Variants in PRKCE observed in about 807,000 individuals in gnomAD.
PRKCE encodes protein kinase C epsilon type.
Under a neutral mutation model 85.4 loss-of-function variants are expected in PRKCE, and 16 were observed. The ratio of observed to expected loss-of-function variants is 0.19; its 90% CI spans 0.13 to 0.28. The LOEUF (loss-of-function observed/expected upper bound fraction) is 0.28. Among genes scored for constraint, PRKCE ranks in the 10% least tolerant of loss-of-function variants. The pLI, the probability that PRKCE is intolerant of heterozygous loss-of-function variation, is 1.00. For synonymous variants in PRKCE, 388 were observed against 371.5 expected, an observed-to-expected ratio of 1.04 and a Z score of -0.51; for missense variants, 573 against 975.2, an observed-to-expected ratio of 0.59 and a Z score of 5.49.
intron 11 of PRKCE, among the ~76,000 whole-genome samples, chr2:46,117,689 T>C (rs1672911856): frequency 6.6e-6 from 1 of 152,238 alleles, no homozygotes; most frequent in East Asian, 1.9e-4. Context: ...ATAGTAATAG[T>C]ATCTACCTCA....
At chr2:45,705,487 T>G (rs373329302) in intron 1 of PRKCE, among the ~76,000 whole-genome samples, 2 of 152,212 alleles carry the variant, frequency 1.3e-5, no homozygotes, top group African/African-American at 2.4e-5. Context: ...TACCATTCCC[T>G]GCACCGCATG....
At position 46,086,367 on chromosome 2, in the gene PRKCE, C is replaced by A; in HGVS notation, c.1592+5C>A. ...CCAGCATGGAGTCATCTACAGGTAG[C>A]CTCTTCTCTCCTCCTCTTTCCTGAA... On this transcript the variant is annotated splice_donor_5th_base_variant and intron_variant, in intron 11 of 14. Coordinates refer to ENST00000306156, the MANE Select transcript of PRKCE (RefSeq NM_005400.3). 1 of 1,595,670 alleles carries A rather than the reference C, an allele frequency of 6.3e-7. No homozygotes were observed. The highest frequency in any genetic ancestry group is 8.5e-7 in the Non-Finnish European group (1 of 1,177,304).
rs1680530665 is a variant in PRKCE at position 46,187,506 on chromosome 2, T to G, written c.*2625T>G. 6.6e-6 allele frequency: 1 copy of G among 152,532 alleles called. No homozygotes were observed. Among genetic ancestry groups the G allele is most frequent in the Non-Finnish European group, 1.5e-5 (1 of 68,028 alleles). The allele number at this position is 152,532 out of a possible 1,614,324, so 9.4% of individuals were successfully genotyped here. A position where few individuals can be genotyped will look rare whatever the true frequency, so the allele number is the denominator to read the frequency against. ...TTGAAAATAGACACACTGTTAACAC[T>G]TCTGCCAGTTTTTTCTGATCTTTCC... is the stretch of plus-strand genomic sequence containing the variant. On this transcript the variant is annotated 3_prime_UTR_variant, in exon 15 of 15. Coordinates refer to ENST00000306156, the MANE Select transcript of PRKCE (RefSeq NM_005400.3).
chr2:45,727,627 G>T (rs1490473969), intron 1 of PRKCE, among the ~76,000 whole-genome samples: 2 of 152,060 alleles, frequency 1.3e-5, no homozygotes, highest in African/African-American at 4.8e-5. Context: ...TCTGCTTCTT[G>T]ACTTCACATT....
At chr2:46,021,084 G>C (rs113229179) in intron 10 of PRKCE, among the ~76,000 whole-genome samples, 21 of 152,290 alleles carry the variant, frequency 1.4e-4, no homozygotes, top group African/African-American at 4.3e-4. Flanking sequence ...GGAACAGGGT[G>C]GATGCTGGGG....
chr2:45,971,590 T>C (rs896705666), intron 2 of PRKCE, among the ~76,000 whole-genome samples: 2 of 152,190 alleles, frequency 1.3e-5, no homozygotes, highest in Non-Finnish European at 1.5e-5. Flanking sequence ...TGAGTCTTAG[T>C]GTAAGTGTAA....
intron 2 of PRKCE, among the ~76,000 whole-genome samples, chr2:45,950,858 T>C (rs534664757): frequency 6.6e-5 from 10 of 152,232 alleles, no homozygotes; most frequent in African/African-American, 2.2e-4. Flanking sequence ...GGACCAACTT[T>C]CCTAGAGGAC....
rs1219241387 is a variant in PRKCE, at chr2:45,786,231, C to T, written c.349-56769C>T. 1.3e-5 allele frequency among the ~76,000 whole-genome samples: 2 copies of T among 152,200 alleles called. No individual in the cohort carries two copies. The highest frequency in any genetic ancestry group is 4.8e-5 in the African/African-American group (2 of 41,452). On this transcript the variant is annotated intron_variant, in intron 1 of 14. Transcript: ENST00000306156. This position sits in a 1 kb window ranked among gnomAD's most constrained non-coding sequence, Gnocchi z 5.3. ...CTTGCTCTCCGGTTTCCAGGGAGTGCTGGGCTTTCCAGGTTGCCTGTCCAG... is the reference window on the plus strand; with the variant it reads ...CTTGCTCTCCGGTTTCCAGGGAGTGTTGGGCTTTCCAGGTTGCCTGTCCAG...
intron 2 of PRKCE, among the ~76,000 whole-genome samples, chr2:45,949,556 G>T (rs1700480336): frequency 6.6e-6 from 1 of 151,014 alleles, no homozygotes; most frequent in Non-Finnish European, 1.5e-5. Context: ...CTGTGCAGAA[G>T]TCTTACATTT....
chr2:46,086,571 C>G (rs1669659024), intron 11 of PRKCE, among the ~76,000 whole-genome samples: 1 of 152,174 alleles, frequency 6.6e-6, no homozygotes, highest in Admixed American at 6.5e-5. Flanking sequence ...ATTTGACCCA[C>G]TGTTTGTGCC....
intron 6 of PRKCE, among the ~76,000 whole-genome samples, chr2:45,992,629 C>A (rs558699761): frequency 6.6e-6 from 1 of 152,196 alleles, no homozygotes; most frequent in African/African-American, 2.4e-5. Context: ...GGCCAAATTA[C>A]CCCAACATAA....
intron 1 of PRKCE, among the ~76,000 whole-genome samples, chr2:45,661,074 G>A (rs182767943): frequency 2.6e-4 from 40 of 152,290 alleles, no homozygotes; most frequent in Non-Finnish European, 5.1e-4. Flanking sequence ...GTCTCAAAGA[G>A]GTAGTTTTAT....
chr2:46,153,128 G>C (rs1020408637), intron 13 of PRKCE, among the ~76,000 whole-genome samples: 2 of 151,992 alleles, frequency 1.3e-5, no homozygotes, highest in Admixed American at 6.6e-5. Flanking sequence ...ATAAGTATTG[G>C]TGAGACCTGG....
At chr2:45,858,991 AG>A (rs1221041391) in intron 2 of PRKCE, among the ~76,000 whole-genome samples, 1 of 151,948 alleles carries the variant, frequency 6.6e-6, no homozygotes, top group African/African-American at 2.4e-5. Flanking sequence ...CAGTGAGCCA[AG>A]GTCAGGGCGT....
At chr2:46,013,217 T>G (rs1158437328) in intron 10 of PRKCE, among the ~76,000 whole-genome samples, 1 of 152,220 alleles carries the variant, frequency 6.6e-6, no homozygotes, top group Non-Finnish European at 1.5e-5. Context: ...ACTTTCCCTA[T>G]GACAAACCAA....
At chr2:45,975,164 G>C (rs1702363031) in intron 2 of PRKCE, among the ~76,000 whole-genome samples, 1 of 152,118 alleles carries the variant, frequency 6.6e-6, no homozygotes, top group Non-Finnish European at 1.5e-5. Context: ...CTGTAAAATG[G>C]GGCTAATAGC....
chr2:45,784,858 A>G (rs981793414), intron 1 of PRKCE, among the ~76,000 whole-genome samples: 1 of 152,212 alleles, frequency 6.6e-6, no homozygotes, highest in African/African-American at 2.4e-5. Context: ...TTCTGGAATA[A>G]TGATAATGTT....
At chr2:45,721,482 G>A (rs1680614217) in intron 1 of PRKCE, among the ~76,000 whole-genome samples, 1 of 152,220 alleles carries the variant, frequency 6.6e-6, no homozygotes. Flanking sequence ...GCTAGGTCAA[G>A]ATTTGGTGGA....
chr2:46,089,211 G>A (rs1295105563), intron 11 of PRKCE, among the ~76,000 whole-genome samples: 3 of 152,110 alleles, frequency 2.0e-5, no homozygotes, highest in South Asian at 2.1e-4. Flanking sequence ...TCTACATACT[G>A]GGCAATTTCA....
Sources: allele counts gnomAD v4.1 joint callset (sites outside exome capture counted in the v4.1 genomes callset), GRCh38; gene constraint gnomAD v4.1.1; non-coding constraint Gnocchi (gnomAD v3.1); transcripts MANE v1.5; gene names NCBI Gene and HGNC (gene_info 2026-07-23, HGNC 2026-07-21).